UGT2B10: variants seen among roughly 807,000 people sequenced by gnomAD.
The protein encoded by UGT2B10 is UDP-glucuronosyltransferase 2B10.
UGT2B10 carries 51 observed loss-of-function variants against 43.7 expected under a neutral mutation model. That is an observed-to-expected ratio of 1.17 (90% CI 0.93 to 1.47). The LOEUF (loss-of-function observed/expected upper bound fraction) is 1.47. UGT2B10 is among the 40% of genes most tolerant of loss of function. The pLI is 0.00. For missense variants in UGT2B10, 696 were observed against 617.7 expected, an observed-to-expected ratio of 1.13 and a Z score of -1.34; for synonymous variants, 225 against 209.0, an observed-to-expected ratio of 1.08 and a Z score of -0.66.
chr4:68,819,682 A>G (rs946079455), intron 2 of UGT2B10, among the ~76,000 whole-genome samples: 2 of 152,018 alleles, frequency 1.3e-5, no homozygotes, highest in Admixed American at 6.6e-5. Context: ...GGTGTCTGAC[A>G]GAGAAGCACA....
In UGT2B10 at chr4:68,822,403, G is replaced by A; in HGVS notation, c.999+1G>A. The A allele has an allele frequency of 6.2e-7, 1 of 1,613,450 alleles. No homozygotes were observed. Among genetic ancestry groups the A allele is most frequent in the South Asian group, 1.1e-5 (1 of 91,034 alleles). On this transcript the variant is annotated splice_donor_variant, in intron 3 of 5. Transcript: ENST00000265403. LOFTEE classifies it high-confidence loss of function. ...AGCCCTTGCCAAGATCCCACAAAAG[G>A]TAAGATAAAGTGCCTTACTGGTGTG...
chr4:68,824,575 AT>A, intron 3 of UGT2B10, among the ~76,000 whole-genome samples: 1 of 152,256 alleles, frequency 6.6e-6, no homozygotes, highest in East Asian at 1.9e-4. Context: ...TTACTTTCTA[AT>A]TTCCTATCTG....
chr4:68,827,942 T>A (rs1413562994), intron 5 of UGT2B10, among the ~76,000 whole-genome samples: 1 of 151,986 alleles, frequency 6.6e-6, no homozygotes, highest in African/African-American at 2.4e-5. Context: ...AAAATTAATT[T>A]TTATTATTAT....
intron 4 of UGT2B10, 62 bp from the exon 5 acceptor site, chr4:68,827,267 C>G (rs572244275): frequency 6.2e-7 from 1 of 1,609,646 alleles, no homozygotes; most frequent in South Asian, 1.1e-5. Flanking sequence ...CTTTCAGAGC[C>G]TTTCATTGTG....
In UGT2B10 at chr4:68,826,898, T is replaced by C. The variant is rs188999080; in HGVS notation, c.1087+401T>C. ...ATTTTCTGGAGGACTAAATTCCTAATCTTAAAGTAATGACACATTTCATGA... is the reference window on the plus strand; with the variant it reads ...ATTTTCTGGAGGACTAAATTCCTAACCTTAAAGTAATGACACATTTCATGA... On this transcript the variant is annotated intron_variant, in intron 4 of 5. Transcript: ENST00000265403. 2.9e-3 allele frequency among the ~76,000 whole-genome samples: 445 copies of C among 152,208 alleles called. 3 individuals carry two copies. Among genetic ancestry groups the C allele is most frequent in the African/African-American group, 0.01 (423 of 41,550 alleles).
chr4:68,830,133 G>A (rs114325158), intron 5 of UGT2B10, among the ~76,000 whole-genome samples: 5,115 of 151,858 alleles, frequency 0.034, 296 homozygotes, highest in African/African-American at 0.11. Context: ...TGTTGAGCAC[G>A]TTCTAATATG....
intron 3 of UGT2B10, 138 bp downstream of exon 3, chr4:68,822,540 C>T: frequency 2.0e-6 from 3 of 1,536,856 alleles, no homozygotes; most frequent in Non-Finnish European, 2.6e-6. Context: ...TGTATAGCAT[C>T]CACTGACAGA....
At chr4:68,816,768 C>T (rs754908736) in intron 1 of UGT2B10, 31 bp downstream of exon 1, 1 of 1,516,806 alleles carries the variant, frequency 6.6e-7, no homozygotes, top group South Asian at 1.3e-5. Flanking sequence ...TAACATGAAG[C>T]TCTAACTTAT....
At chr4:68,819,450 TCCAGCTTAAAA>T (rs772960946) in intron 2 of UGT2B10, among the ~76,000 whole-genome samples, 4 of 151,982 alleles carry the variant, frequency 2.6e-5, no homozygotes, top group Non-Finnish European at 5.9e-5. Context: ...TCACCAGTAT[TCCAGCTTAAAA>T]CACTTCCTCA....
Position 68,822,224 on chromosome 4 carries a change from T to C in UGT2B10, c.868-47T>C, listed in dbSNP as rs779804670. The C allele has an allele frequency of 1.9e-6, 3 of 1,601,438 alleles. No homozygotes were observed. The Admixed American group carries it at 5.3e-5, about 28-fold the overall frequency. Reference sequence around the variant, plus strand: ...TACCAATTCTTTCGGTAGTGCCTGCTGTGGTGATACTCTTTTATGATGAAA... The same window carrying C: ...TACCAATTCTTTCGGTAGTGCCTGCCGTGGTGATACTCTTTTATGATGAAA... On this transcript the variant is annotated intron_variant, in intron 2 of 5. Coordinates refer to ENST00000265403, the MANE Select transcript of UGT2B10 (RefSeq NM_001075.6).
At position 68,816,061 on chromosome 4, in the gene UGT2B10, T is replaced by G. The variant is rs1737174466; in HGVS notation, c.42T>G (p.Ser14Arg). 1.2e-6 allele frequency: 2 copies of G among 1,612,834 alleles called. No homozygotes were observed. Among genetic ancestry groups the G allele is most frequent in the Non-Finnish European group, 1.7e-6 (2 of 1,179,254 alleles). The stretch of plus-strand genomic sequence containing the variant: ...CTACAGTTCTGCTGATACAACTCAG[T>G]TTTTACTTTAGCTCTGGGAGTTGTG... ...KWTTVLLIQL[S>R]FYFSSGSCGK... The change falls in exon 1 of 6, where the codon AGT becomes AGG. Residue 14 changes from serine (S) to arginine (R), a missense_variant. Physicochemically the swap from Ser to Arg is moderately radical, Grantham distance 110 (BLOSUM62 -1). Coordinates refer to ENST00000265403, the MANE Select transcript of UGT2B10 (RefSeq NM_001075.6).
chr4:68,828,543 T>C (rs1403762814), intron 5 of UGT2B10, among the ~76,000 whole-genome samples: 2 of 151,656 alleles, frequency 1.3e-5, no homozygotes, highest in African/African-American at 4.8e-5. Context: ...AGAAAAGAAA[T>C]ATAAAACAAA....
rs778328958 is a variant in UGT2B10 at position 68,830,899 on chromosome 4, C to T, written c.*20C>T. Reference sequence around the variant, plus strand: ...GATTAGTTATATCTGAGATTTGAAGCTGGAAAACCTGATAGATAGGAATAC... The same window carrying T: ...GATTAGTTATATCTGAGATTTGAAGTTGGAAAACCTGATAGATAGGAATAC... On this transcript the variant is annotated 3_prime_UTR_variant, in exon 6 of 6. Coordinates refer to ENST00000265403, the MANE Select transcript of UGT2B10 (RefSeq NM_001075.6). The T allele has an allele frequency of 6.2e-7, 1 of 1,607,728 alleles. No individual in the cohort carries two copies. The highest frequency in any genetic ancestry group is 1.3e-5 in the African/African-American group (1 of 74,474).
rs373425561 is a variant in UGT2B10 at position 68,816,583 on chromosome 4, C to G, written c.564C>G (p.Phe188Leu). The change falls in exon 1 of 6, where the codon TTC becomes TTG. Residue 188 changes from phenylalanine to leucine, a missense_variant. By Grantham distance (22) the Phe-to-Leu change is conservative (BLOSUM62 0). Coordinates refer to ENST00000265403, the MANE Select transcript of UGT2B10 (RefSeq NM_001075.6). ...AAAGGCACAGTGGAGGATTTATTTT[C>G]CCTCCTTCCTACGTACCTGTTGTTA... is the stretch of plus-strand genomic sequence containing the variant. The part of the protein sequence containing the change: ...SFERHSGGFI[F>L]PPSYVPVVMS... 6.2e-7 allele frequency: 1 copy of G among 1,612,920 alleles called. No individual in the cohort carries two copies. The highest frequency in any genetic ancestry group is 8.5e-7 in the Non-Finnish European group (1 of 1,179,352).
chr4:68,823,471 C>T (rs1172355167), intron 3 of UGT2B10, among the ~76,000 whole-genome samples: 1 of 152,072 alleles, frequency 6.6e-6, no homozygotes, highest in African/African-American at 2.4e-5. Flanking sequence ...CACAACATTG[C>T]ACTCCAGCCT....
intron 4 of UGT2B10, 57 bp from the exon 5 acceptor site, chr4:68,827,272 A>G: frequency 6.2e-7 from 1 of 1,610,324 alleles, no homozygotes; most frequent in East Asian, 2.2e-5. Context: ...AGAGCCTTTC[A>G]TTGTGCATCT....
intron 1 of UGT2B10, 137 bp downstream of exon 1, chr4:68,816,874 A>G: frequency 1.2e-6 from 1 of 801,586 alleles, no homozygotes; most frequent in South Asian, 2.0e-5. Context: ...AAGATGATCT[A>G]CCAATCTCAC....
At chr4:68,825,320 T>A (rs1453803796) in intron 3 of UGT2B10, among the ~76,000 whole-genome samples, 4 of 151,806 alleles carry the variant, frequency 2.6e-5, no homozygotes, top group South Asian at 2.1e-4. Flanking sequence ...TTTATTTTTT[T>A]AATTAAATTA....
intron 5 of UGT2B10, among the ~76,000 whole-genome samples, chr4:68,829,191 A>G (rs1336224723): frequency 6.6e-6 from 1 of 152,076 alleles, no homozygotes; most frequent in Non-Finnish European, 1.5e-5. Context: ...CAGCAATGGA[A>G]TTACCCAAGA....
Sources: gnomAD v4.1 joint callset for allele counts (sites outside exome capture counted in the v4.1 genomes callset) on GRCh38, gnomAD v4.1.1 for gene constraint, MANE v1.5 for transcripts, NCBI Gene and HGNC (gene_info 2026-07-23, HGNC 2026-07-21) for gene names.